The following CEP126 variants were observed in gnomAD, a reference collection of about 807,000 sequenced individuals.
The protein encoded by CEP126 is centrosomal protein 126.
In CEP126, 74 loss-of-function variants were observed where a neutral mutation model predicts 107.8. The ratio of observed to expected loss-of-function variants is 0.69; its 90% CI spans 0.57 to 0.83. CEP126 has a LOEUF of 0.83. CEP126 is among the 40% of genes least tolerant of loss of function. The pLI is 0.00. For missense variants in CEP126, 1,237 were observed against 1,281.9 expected (o/e 0.96, Z 0.53); for synonymous variants, 449 against 446.0 (o/e 1.01, Z -0.08).
intron 1 of CEP126, among the ~76,000 whole-genome samples, chr11:101,917,172 A>AT (rs546637264): frequency 4.6e-4 from 70 of 152,070 alleles, no homozygotes; most frequent in Non-Finnish European, 9.1e-4. Context: ...ATTTTTGAAC[A>AT]TAATAAAGAT....
chr11:101,951,784 A>G (rs901640236), intron 4 of CEP126, among the ~76,000 whole-genome samples: 23 of 152,196 alleles, frequency 1.5e-4, no homozygotes, highest in African/African-American at 5.1e-4. Context: ...GGGGATAAAT[A>G]TCCATGTAGA....
chr11:101,934,022 A>T (rs1940541282), intron 2 of CEP126, among the ~76,000 whole-genome samples: 1 of 152,018 alleles, frequency 6.6e-6, no homozygotes, highest in Non-Finnish European at 1.5e-5. Flanking sequence ...AAGTGTGAAG[A>T]TACTCACAGA....
chr11:101,951,433 G>T (rs1382516599), intron 4 of CEP126, among the ~76,000 whole-genome samples: 2 of 151,958 alleles, frequency 1.3e-5, no homozygotes, highest in Non-Finnish European at 2.9e-5. Context: ...GATCACTTGA[G>T]CCCAGGAGTT....
rs747330535 is a variant in CEP126, at chr11:101,958,217, C to T, written c.556C>T (p.His186Tyr). The T allele has an allele frequency of 5.6e-6, 9 of 1,613,786 alleles. No homozygotes were observed. In the African/African-American group the frequency reaches 1.2e-4, roughly 22 times the overall value. The change falls in exon 5 of 11, where the codon CAT becomes TAT. Residue 186 changes from histidine to tyrosine, a missense_variant. Transcript: ENST00000263468. ...CGCATTATCAAAAAATGATCACAAG[C>T]ATCAGAAACAACTCTTATCCAAAAT... ...PSALSKNDHK[H>Y]QKQLLSKINC...
chr11:101,929,974 C>CTTTTTTTTTTTTTTTTTTTTT (rs60650996), intron 2 of CEP126, among the ~76,000 whole-genome samples: 3 of 118,696 alleles, frequency 2.5e-5, no homozygotes, highest in Admixed American at 8.6e-5. Context: ...TTAGTTAGGA[C>CTTTTTTTTTTTTTTTTTTTTT]TTTTTTTTTT....
At chr11:101,921,432 C>G (rs1940323584) in intron 1 of CEP126, among the ~76,000 whole-genome samples, 1 of 152,008 alleles carries the variant, frequency 6.6e-6, no homozygotes, top group Non-Finnish European at 1.5e-5. Context: ...TGAGGCCAAG[C>G]ACGGTGGCTC....
chr11:101,965,907 G>A (rs984855890), intron 6 of CEP126, among the ~76,000 whole-genome samples: 2 of 152,028 alleles, frequency 1.3e-5, no homozygotes, highest in African/African-American at 4.8e-5. Context: ...TAAATATAGT[G>A]ATAAAGCAAA....
intron 2 of CEP126, among the ~76,000 whole-genome samples, chr11:101,931,963 A>G (rs918369780): frequency 3.9e-5 from 6 of 152,212 alleles, no homozygotes; most frequent in Non-Finnish European, 8.8e-5. Flanking sequence ...GGTGCTCTAC[A>G]TGTTTCATGA....
intron 2 of CEP126, among the ~76,000 whole-genome samples, chr11:101,929,189 T>C (rs1940454367): frequency 6.6e-6 from 1 of 152,246 alleles, no homozygotes; most frequent in African/African-American, 2.4e-5. Flanking sequence ...TGTCAAATAA[T>C]TCTAACATTC....
intron 2 of CEP126, among the ~76,000 whole-genome samples, chr11:101,925,084 G>C (rs1221280551): frequency 2.0e-5 from 3 of 151,998 alleles, no homozygotes; most frequent in Admixed American, 2.0e-4. Context: ...AGTAGATGCT[G>C]GTTATCTTTT....
At chr11:101,995,372 T>G (rs1941430536) in intron 10 of CEP126, among the ~76,000 whole-genome samples, 1 of 152,186 alleles carries the variant, frequency 6.6e-6, no homozygotes, top group Admixed American at 6.5e-5. Flanking sequence ...TGAACATGGA[T>G]ACACATTGGA....
chr11:101,934,183 G>A (rs143930820), intron 2 of CEP126, among the ~76,000 whole-genome samples: 1 of 152,104 alleles, frequency 6.6e-6, no homozygotes, highest in Non-Finnish European at 1.5e-5. Flanking sequence ...GTCATCTATA[G>A]ATCCTCTGTG....
At chr11:101,993,661 A>G (rs530719184) in intron 10 of CEP126, among the ~76,000 whole-genome samples, 39 of 152,324 alleles carry the variant, frequency 2.6e-4, no homozygotes, top group Non-Finnish European at 4.7e-4. Context: ...ATTAATTTGC[A>G]TTCCCACCAG....
intron 9 of CEP126, among the ~76,000 whole-genome samples, chr11:101,990,112 T>C (rs1048714638): frequency 1.3e-5 from 2 of 152,202 alleles, no homozygotes; most frequent in Non-Finnish European, 2.9e-5. Context: ...AAAAGATGAA[T>C]GTGGACTACT....
At chr11:101,976,061 T>C (rs1941188826) in intron 6 of CEP126, among the ~76,000 whole-genome samples, 1 of 152,210 alleles carries the variant, frequency 6.6e-6, no homozygotes, top group Admixed American at 6.5e-5. Flanking sequence ...CGTGTCTTTA[T>C]GGTAAAACAA....
At chr11:101,967,635 C>G (rs545948051) in intron 6 of CEP126, among the ~76,000 whole-genome samples, 4 of 152,220 alleles carry the variant, frequency 2.6e-5, no homozygotes, top group African/African-American at 9.6e-5. Flanking sequence ...CTTCCCTTTC[C>G]TCATCAGATA....
intron 6 of CEP126, among the ~76,000 whole-genome samples, chr11:101,972,413 G>C (rs1440877214): frequency 6.6e-6 from 1 of 152,026 alleles, no homozygotes; most frequent in Non-Finnish European, 1.5e-5. Context: ...GGGACAGAGC[G>C]AGACTCCGTC....
chr11:101,995,919 T>C (rs1459691599), intron 10 of CEP126, among the ~76,000 whole-genome samples: 2 of 152,218 alleles, frequency 1.3e-5, no homozygotes, highest in African/African-American at 4.8e-5. Context: ...ATTCTAAAAA[T>C]ACATCATGAG....
chr11:101,984,304 C>G (rs928399575), intron 8 of CEP126, among the ~76,000 whole-genome samples: 1 of 152,198 alleles, frequency 6.6e-6, no homozygotes, highest in Non-Finnish European at 1.5e-5. Flanking sequence ...GGCACAACCT[C>G]TGGCCTGCAA....
Sources: gnomAD v4.1 joint callset for allele counts (sites outside exome capture counted in the v4.1 genomes callset) on GRCh38, gnomAD v4.1.1 for gene constraint, MANE v1.5 for transcripts, NCBI Gene and HGNC (gene_info 2026-07-23, HGNC 2026-07-21) for gene names.